NLN: variants seen among roughly 807,000 people sequenced by gnomAD.
NLN encodes the protein neurolysin.
A neutral mutation model predicts 79.9 loss-of-function variants in NLN; 64 were observed. That is an observed-to-expected ratio of 0.80 (90% CI 0.65 to 0.99). The LOEUF (loss-of-function observed/expected upper bound fraction) is 0.99. Among genes scored for constraint, NLN ranks in the 50% least tolerant of loss-of-function variants. The pLI is 0.00. For missense variants in NLN, 835 were observed against 858.7 expected (o/e 0.97, Z 0.34); for synonymous variants, 267 against 296.6 (o/e 0.90, Z 1.02).
chr5:65,739,004 AT>A (rs1488260178), intron 1 of NLN, among the ~76,000 whole-genome samples: 1 of 94,076 alleles, frequency 1.1e-5, no homozygotes, highest in African/African-American at 4.1e-5. Context: ...ATATTTTATA[AT>A]ATATATTTAT....
At chr5:65,740,561 T>A (rs1015248766) in intron 1 of NLN, among the ~76,000 whole-genome samples, 4 of 152,168 alleles carry the variant, frequency 2.6e-5, no homozygotes, top group Non-Finnish European at 5.9e-5. Context: ...TACATTTATG[T>A]CTTTAATCCA....
In NLN at chr5:65,733,341, C is replaced by G. The variant is rs1029188174; in HGVS notation, c.41+10927C>G. ...GGACTCCCAACTCAGGCTCCTCCTG[C>G]CTGCCCTGAGCCACTGCTCCCAGCT... is the stretch of plus-strand genomic sequence containing the variant. On this transcript the variant is annotated intron_variant, in intron 1 of 12. Coordinates refer to ENST00000380985, the MANE Select transcript of NLN (RefSeq NM_020726.5). 66 of 1,512,720 alleles carry G rather than the reference C, an allele frequency of 4.4e-5. 12 individuals are homozygous for G. In the Middle Eastern group the frequency reaches 7.2e-4, roughly 17 times the overall value. The allele number at this position is 1,512,720 out of a possible 1,614,324, so 93.7% of individuals were successfully genotyped here.
Position 65,758,557 on chromosome 5 carries a change from T to G in NLN, c.42-10T>G, listed in dbSNP as rs751849827. 3 of 1,589,344 alleles carry G rather than the reference T, an allele frequency of 1.9e-6. No individual in the cohort carries two copies. Among genetic ancestry groups the G allele is most frequent in the South Asian group, 1.1e-5 (1 of 89,968 alleles). The stretch of plus-strand genomic sequence containing the variant: ...TCCCTAATTCTTATTCTTTTTCTGA[T>G]TCTTTTTAGAGTTGGTGGTTCCAGG... On this transcript the variant is annotated splice_polypyrimidine_tract_variant and intron_variant, in intron 1 of 12. Transcript: ENST00000380985.
Position 65,737,609 on chromosome 5 carries a change from A to G in NLN, c.41+15195A>G, listed in dbSNP as rs575835001. ...ACTGAAAATTCAGTGTTCACTATTG[A>G]TATCTAGGGAGTATAGGTCTAGATC... On this transcript the variant is annotated intron_variant, in intron 1 of 12. Coordinates refer to ENST00000380985, the MANE Select transcript of NLN (RefSeq NM_020726.5). 2.6e-5 allele frequency among the ~76,000 whole-genome samples: 4 copies of G among 152,206 alleles called. No individual in the cohort carries two copies. In the East Asian group the frequency reaches 5.8e-4, roughly 22 times the overall value.
At chr5:65,745,837 G>T (rs1434514750) in intron 1 of NLN, among the ~76,000 whole-genome samples, 1 of 152,178 alleles carries the variant, frequency 6.6e-6, no homozygotes, top group Non-Finnish European at 1.5e-5. Context: ...AGGCAATCTG[G>T]AGAACAGATT....
chr5:65,762,092 C>T (rs1473022682), intron 2 of NLN, among the ~76,000 whole-genome samples: 1 of 152,098 alleles, frequency 6.6e-6, no homozygotes, highest in African/African-American at 2.4e-5. Flanking sequence ...ATGAAAAACC[C>T]AGGAACCACC....
chr5:65,752,030 A>G (rs901345164), intron 1 of NLN, among the ~76,000 whole-genome samples: 2 of 152,128 alleles, frequency 1.3e-5, no homozygotes, highest in African/African-American at 4.8e-5. Context: ...ACTTGAGCTT[A>G]GGAGTTCAAG....
chr5:65,742,348 A>G (rs993003832), intron 1 of NLN, among the ~76,000 whole-genome samples: 2 of 152,202 alleles, frequency 1.3e-5, no homozygotes, highest in South Asian at 2.1e-4. Context: ...TATTTATGCT[A>G]CATAAGACCA....
chr5:65,826,475 C>A lies in NLN; in HGVS notation c.*3560C>A, dbSNP rs1760922970. ...CCAAAGAATGTTAAAAGAGAAAATC[C>A]ATTTTATTTGAATAGATGCAGTGAC... is the stretch of plus-strand genomic sequence containing the variant. On this transcript the variant is annotated 3_prime_UTR_variant, in exon 13 of 13. Transcript: ENST00000380985. 1 of 152,172 alleles carries A rather than the reference C, an allele frequency of 6.6e-6. No individual in the cohort carries two copies. The highest frequency in any genetic ancestry group is 2.4e-5 in the African/African-American group (1 of 41,434). 9.4% of individuals were successfully genotyped at this position (152,172 alleles called of 1,614,324 possible).
chr5:65,751,125 A>G (rs1759092553), intron 1 of NLN, among the ~76,000 whole-genome samples: 1 of 149,408 alleles, frequency 6.7e-6, no homozygotes, highest in South Asian at 2.1e-4. Context: ...CATTAATTGC[A>G]AAGCAAATAC....
chr5:65,792,702 G>T, intron 9 of NLN, 47 bp downstream of exon 9: 1 of 1,409,632 alleles, frequency 7.1e-7, no homozygotes. Context: ...AGTTTTTTTA[G>T]AAAACTTCTT....
intron 12 of NLN, 81 bp from the exon 13 acceptor site, chr5:65,822,700 T>G: frequency 9.6e-7 from 1 of 1,043,560 alleles, no homozygotes; most frequent in East Asian, 2.4e-5. Flanking sequence ...CCTTCACCCC[T>G]ACCCTCTCCT....
At chr5:65,764,227 A>AT (rs775586019) in intron 3 of NLN, among the ~76,000 whole-genome samples, 20 of 151,958 alleles carry the variant, frequency 1.3e-4, no homozygotes, top group African/African-American at 7.3e-5. Context: ...TTTTGTTTTT[A>AT]TTTCACATTC....
At chr5:65,801,445 C>T (rs926144808) in intron 9 of NLN, among the ~76,000 whole-genome samples, 1 of 152,202 alleles carries the variant, frequency 6.6e-6, no homozygotes, top group African/African-American at 2.4e-5. Context: ...TACACAGTGG[C>T]TGACTGCATT....
At chr5:65,806,780 T>C (rs1419187983) in intron 9 of NLN, among the ~76,000 whole-genome samples, 1 of 152,156 alleles carries the variant, frequency 6.6e-6, no homozygotes, top group African/African-American at 2.4e-5. Flanking sequence ...AGACATTCTG[T>C]TGTGGGTGAA....
intron 9 of NLN, among the ~76,000 whole-genome samples, chr5:65,795,720 G>C (rs1006643749): frequency 6.6e-6 from 1 of 152,086 alleles, no homozygotes; most frequent in South Asian, 2.1e-4. Flanking sequence ...TATTATCATA[G>C]CACTAGGATT....
chr5:65,726,866 C>T (rs1758484377), intron 1 of NLN, among the ~76,000 whole-genome samples: 1 of 152,166 alleles, frequency 6.6e-6, no homozygotes, highest in Non-Finnish European at 1.5e-5. Flanking sequence ...GGAGGACCCC[C>T]TGTGTTCTCC....
chr5:65,758,924 G>A, intron 2 of NLN, 98 bp downstream of exon 2: 1 of 1,066,940 alleles, frequency 9.4e-7, no homozygotes, highest in Non-Finnish European at 1.4e-6. Context: ...TACAAGCATT[G>A]ATTTTTACAT....
Position 65,788,502 on chromosome 5 carries a change from G to A in NLN, c.1325+18G>A, listed in dbSNP as rs1378943616. On this transcript the variant is annotated intron_variant, in intron 8 of 12. Transcript: ENST00000380985. ...TATCCAAGGTACTGAGGATCACGTTGTTGGAAGGGACCTTAGGGATTCAGC... is the reference window on the plus strand; with the variant it reads ...TATCCAAGGTACTGAGGATCACGTTATTGGAAGGGACCTTAGGGATTCAGC... The A allele has an allele frequency of 1.9e-6, 3 of 1,604,320 alleles. No individual in the cohort carries two copies. The highest frequency in any genetic ancestry group is 2.6e-6 in the Non-Finnish European group (3 of 1,173,488).
Sources: gnomAD v4.1 joint callset for allele counts (sites outside exome capture counted in the v4.1 genomes callset) on GRCh38, gnomAD v4.1.1 for gene constraint, MANE v1.5 for transcripts, NCBI Gene and HGNC (gene_info 2026-07-23, HGNC 2026-07-21) for gene names.